HEATR5B: variants seen among roughly 807,000 people sequenced by gnomAD.
HEATR5B encodes HEAT repeat-containing protein 5B.
HEATR5B carries 156 observed loss-of-function variants against 224.1 expected under a neutral mutation model. The observed-to-expected ratio is 0.70, with a 90% CI of 0.61 to 0.80. The LOEUF is 0.80. HEATR5B is among the 30% of genes least tolerant of loss of function. HEATR5B has a pLI of 0.00. For missense variants in HEATR5B, 2,323 were observed against 2,535.5 expected (o/e 0.92, Z 1.80); for synonymous variants, 1,027 against 893.0 (o/e 1.15, Z -2.68).
intron 34 of HEATR5B, among the ~76,000 whole-genome samples, chr2:36,989,111 G>A (rs1328067247): frequency 1.3e-5 from 2 of 151,966 alleles, no homozygotes; most frequent in African/African-American, 4.8e-5. Context: ...TTTTGAGATG[G>A]AGTCTCGCTC....
Position 36,981,392 on chromosome 2 carries a change from A to G in HEATR5B, c.*98T>C. The stretch of plus-strand genomic sequence containing the variant: ...TGGAAGCACTATAATACCAATATAC[A>G]AATAAAACAGAACCCATAGGTAGCC... On this transcript the variant is annotated 3_prime_UTR_variant, in exon 36 of 36. Transcript: ENST00000233099. 2 of 896,562 alleles carry G rather than the reference A, an allele frequency of 2.2e-6. No individual in the cohort carries two copies. The highest frequency in any genetic ancestry group is 3.7e-5 in the South Asian group (2 of 54,412). 55.5% of individuals were successfully genotyped at this position (896,562 alleles called of 1,614,324 possible).
intron 15 of HEATR5B, 60 bp downstream of exon 15, chr2:37,057,257 G>A: frequency 1.6e-6 from 2 of 1,287,662 alleles, no homozygotes; most frequent in Non-Finnish European, 2.1e-6. Flanking sequence ...AAGTGACAAT[G>A]TGTAATAGGA....
Position 37,032,655 on chromosome 2 carries a change from G to C in HEATR5B, c.3335C>G (p.Thr1112Arg). 6.2e-7 allele frequency: 1 copy of C among 1,613,770 alleles called. No homozygotes were observed. The change falls in exon 22 of 36, where the codon ACA (threonine) becomes AGA (arginine). Residue 1112 changes from threonine (T) to arginine (R), a missense_variant. Physicochemically the swap from Thr to Arg is moderately conservative, Grantham distance 71 (BLOSUM62 -1). Transcript: ENST00000233099. ...GGCACTACTGCTCTCTTTGTCCCCT[G>C]TATTTTTTGCCAGGCTCATGGCATA... is the stretch of plus-strand genomic sequence containing the variant. ...CEYAMSLAKNTGDKESSSANV... is the reference protein window; with the variant it reads ...CEYAMSLAKNRGDKESSSANV...
At chr2:37,047,829 G>A (rs1007306752) in intron 18 of HEATR5B, among the ~76,000 whole-genome samples, 1 of 152,180 alleles carries the variant, frequency 6.6e-6, no homozygotes. Context: ...ATGAGGCTGT[G>A]AAAGACTGAA....
chr2:37,028,739 T>C lies in HEATR5B; in HGVS notation c.3543A>G (p.Ala1181=), dbSNP rs753513317. 4 of 1,613,792 alleles carry C rather than the reference T, an allele frequency of 2.5e-6. No homozygotes were observed. Among genetic ancestry groups the C allele is most frequent in the Non-Finnish European group, 3.4e-6 (4 of 1,179,814 alleles). Residue 1181 remains alanine (A), a synonymous_variant, in exon 23 of 36, where the codon GCA becomes GCG. Transcript: ENST00000233099. ...DTLGHMLSSL[A]VEKLSHWLML... is the part of the protein sequence containing the mutation. ...TTAGCCAATGAGAAAGTTTTTCTACTGCCAGCGAAGAAAGCATATGTCCCA... is the reference window on the plus strand; with the variant it reads ...TTAGCCAATGAGAAAGTTTTTCTACCGCCAGCGAAGAAAGCATATGTCCCA...
At chr2:37,027,206 T>C (rs1050046834) in intron 24 of HEATR5B, among the ~76,000 whole-genome samples, 1 of 152,226 alleles carries the variant, frequency 6.6e-6, no homozygotes, top group Non-Finnish European at 1.5e-5. Context: ...TGTTAACACA[T>C]ACAATTTGTC....
chr2:37,079,965 G>A (rs1421001691), intron 2 of HEATR5B, among the ~76,000 whole-genome samples: 1 of 152,164 alleles, frequency 6.6e-6, no homozygotes, highest in Non-Finnish European at 1.5e-5. Context: ...CAAATGAATA[G>A]TATGGGTGGT....
intron 21 of HEATR5B, among the ~76,000 whole-genome samples, chr2:37,037,434 C>T (rs539255188): frequency 3.3e-5 from 5 of 151,998 alleles, no homozygotes; most frequent in African/African-American, 1.2e-4. Flanking sequence ...TGAGCCACAG[C>T]GCCTGGCCCA....
chr2:37,076,654 GAA>G (rs11464053), intron 4 of HEATR5B, among the ~76,000 whole-genome samples: 2 of 144,086 alleles, frequency 1.4e-5, no homozygotes, highest in Non-Finnish European at 3.0e-5. Context: ...CCAAAAAAAA[GAA>G]AAAAAAAAAA....
At chr2:37,049,168 T>A (rs1670380789) in intron 18 of HEATR5B, among the ~76,000 whole-genome samples, 1 of 152,202 alleles carries the variant, frequency 6.6e-6, no homozygotes, top group South Asian at 2.1e-4. Flanking sequence ...AGATCACTCT[T>A]TATAATTAAT....
In HEATR5B at chr2:37,070,281, C is replaced by T; in HGVS notation, c.876G>A (p.Met292Ile). The stretch of plus-strand genomic sequence containing the variant: ...GATTAACGGACCCTCCAACTTTTAA[C>T]ATTTCTCCACCGCTCTTTAAGAAAC... ...GSGFLKSGGE[M>I]LKVGGSVNRE... The change falls in exon 7 of 36, where the codon ATG becomes ATA. Residue 292 changes from methionine to isoleucine, a missense_variant. Coordinates refer to ENST00000233099, the MANE Select transcript of HEATR5B (RefSeq NM_019024.3). The T allele has an allele frequency of 1.2e-6, 2 of 1,614,164 alleles. No individual in the cohort carries two copies. The highest frequency in any genetic ancestry group is 1.7e-6 in the Non-Finnish European group (2 of 1,180,008).
In HEATR5B at chr2:37,079,105, AAAGT is replaced by A. The variant is rs758337629; in HGVS notation, c.338+11_338+14del. ...AAATAAAACTTCAAGGGCCCCTATTAAAGTAAGTACTTACAATTTTGTTGGTAAG... is the reference window on the plus strand; with the variant it reads ...AAATAAAACTTCAAGGGCCCCTATTAAAGTACTTACAATTTTGTTGGTAAG... On this transcript the variant is annotated intron_variant, in intron 3 of 35. Transcript: ENST00000233099. 6.7e-7 allele frequency: 1 copy of A among 1,495,238 alleles called. No individual in the cohort carries two copies. Among genetic ancestry groups the A allele is most frequent in the African/African-American group, 1.4e-5 (1 of 72,464 alleles). 92.6% of individuals were successfully genotyped at this position (1,495,238 alleles called of 1,614,324 possible).
Position 36,981,810 on chromosome 2 carries a change from T to C in HEATR5B, c.5912-16A>G, listed in dbSNP as rs1428937396. ...AGCTGGACTCCTGTAAATAATAAAG[T>C]ATGAAAAAAGATCACAAACATAAGG... On this transcript the variant is annotated splice_polypyrimidine_tract_variant and intron_variant, in intron 35 of 35. Coordinates refer to ENST00000233099, the MANE Select transcript of HEATR5B (RefSeq NM_019024.3). The C allele has an allele frequency of 6.4e-7, 1 of 1,552,618 alleles. No individual in the cohort carries two copies. Among genetic ancestry groups the C allele is most frequent in the East Asian group, 2.3e-5 (1 of 44,440 alleles).
intron 7 of HEATR5B, 62 bp downstream of exon 7, chr2:37,070,168 G>A (rs537218144): frequency 4.6e-6 from 7 of 1,521,318 alleles, no homozygotes; most frequent in African/African-American, 2.7e-5. Context: ...CAAAAATGCT[G>A]GGATTACAGG....
chr2:36,999,856 G>A (rs1033947519), intron 33 of HEATR5B, among the ~76,000 whole-genome samples: 4 of 151,194 alleles, frequency 2.6e-5, no homozygotes, highest in Non-Finnish European at 4.4e-5. Context: ...TATTAAAAAC[G>A]CAAAAATTAA....
intron 35 of HEATR5B, among the ~76,000 whole-genome samples, chr2:36,982,123 G>A (rs541379186): frequency 2.6e-4 from 39 of 151,902 alleles, no homozygotes; most frequent in Admixed American, 2.4e-3. Context: ...AAATTTTTAC[G>A]GGCATTCTAG....
chr2:37,049,935 G>C, intron 17 of HEATR5B, 92 bp from the exon 18 acceptor site: 1 of 1,238,546 alleles, frequency 8.1e-7, no homozygotes, highest in Non-Finnish European at 1.1e-6. Flanking sequence ...CCCTTGCCCA[G>C]GCTGGAGTGC....
intron 22 of HEATR5B, 143 bp from the exon 23 acceptor site, chr2:37,029,063 T>C (rs929959267): frequency 4.4e-6 from 3 of 686,642 alleles, no homozygotes; most frequent in Non-Finnish European, 7.2e-6. Context: ...CTATGGCCTC[T>C]AGTTTACATA....
intron 8 of HEATR5B, among the ~76,000 whole-genome samples, chr2:37,068,449 G>GT (rs1399366605): frequency 1.3e-5 from 2 of 152,210 alleles, no homozygotes; most frequent in East Asian, 3.9e-4. Context: ...ATCCGTATAG[G>GT]TACTAGAAAT....
Sources: allele counts gnomAD v4.1 joint callset (sites outside exome capture counted in the v4.1 genomes callset), GRCh38; gene constraint gnomAD v4.1.1; transcripts MANE v1.5; gene names NCBI Gene and HGNC (gene_info 2026-07-23, HGNC 2026-07-21).